Variants in SLC25A21 observed in about 807,000 individuals in gnomAD.
SLC25A21 encodes the protein solute carrier family 25 member 21, also known as mitochondrial 2-oxodicarboxylate carrier.
Under a neutral mutation model 43.8 loss-of-function variants are expected in SLC25A21, and 47 were observed. That is an observed-to-expected ratio of 1.07 (90% confidence interval 0.85 to 1.37). The LOEUF is 1.37. Ranked by LOEUF, SLC25A21 falls within the 40% of genes most tolerant of loss-of-function variation. The pLI, the probability that SLC25A21 is intolerant of heterozygous loss-of-function variation, is 0.00. For missense variants in SLC25A21, 352 were observed against 350.2 expected, an observed-to-expected ratio of 1.00 and a Z score of -0.04; for synonymous variants, 131 against 121.3, an observed-to-expected ratio of 1.08 and a Z score of -0.52.
At chr14:36,756,319 C>A (rs1055341189) in intron 3 of SLC25A21, among the ~76,000 whole-genome samples, 1 of 152,212 alleles carries the variant, frequency 6.6e-6, no homozygotes, top group Admixed American at 6.5e-5. Flanking sequence ...CATGTGTGGC[C>A]ACCAGGGGAT....
chr14:36,998,706 TAAA>T (rs559490184), intron 1 of SLC25A21, among the ~76,000 whole-genome samples: 1 of 142,408 alleles, frequency 7.0e-6, no homozygotes, highest in Non-Finnish European at 1.5e-5. Context: ...ACTCAACAAT[TAAA>T]AAAAAAAAAC....
At chr14:36,878,723 A>G (rs951726686) in intron 1 of SLC25A21, among the ~76,000 whole-genome samples, 1 of 152,048 alleles carries the variant, frequency 6.6e-6, no homozygotes, top group African/African-American at 2.4e-5. Flanking sequence ...TCTAACATAG[A>G]AAAGAAGATG....
At chr14:36,764,192 G>GAAAGAAAGAAAGAA (rs141041432) in intron 3 of SLC25A21, among the ~76,000 whole-genome samples, 1,048 of 55,206 alleles carry the variant, frequency 0.019, 113 homozygotes, top group East Asian at 0.05. Flanking sequence ...AAGAAAGAAA[G>GAAAGAAAGAAAGAA]AGAAAGAAAG....
chr14:37,094,107 T>C (rs1962640825), intron 1 of SLC25A21, among the ~76,000 whole-genome samples: 1 of 152,210 alleles, frequency 6.6e-6, no homozygotes, highest in Non-Finnish European at 1.5e-5. Flanking sequence ...CCTATTAAAA[T>C]GTCCCTAAGC....
rs926451228 is a variant in SLC25A21, at chr14:36,736,803, G to T, written c.204-2230C>A. Reference sequence around the variant, plus strand: ...GGTGAACATGATGGATCTTTTGAAAGGTGTGTGTTAAGGAAAGACATTACA... The same window carrying T: ...GGTGAACATGATGGATCTTTTGAAATGTGTGTGTTAAGGAAAGACATTACA... On this transcript the variant is annotated intron_variant, in intron 3 of 9. Transcript: ENST00000331299. Among the ~76,000 whole-genome samples the T allele has an allele frequency of 5.3e-5, 8 of 152,178 alleles. No individual in the cohort carries two copies. In the East Asian group the frequency reaches 1.5e-3, roughly 29 times the overall value.
intron 1 of SLC25A21, among the ~76,000 whole-genome samples, chr14:37,164,855 T>C (rs1381661811): frequency 6.6e-6 from 1 of 152,192 alleles, no homozygotes; most frequent in Non-Finnish European, 1.5e-5. Context: ...ATTCATTAAT[T>C]CCAGATTTCC....
rs574170268 is a variant in SLC25A21 at position 36,975,098 on chromosome 14, T to C, written c.71-100094A>G. 1.8e-4 allele frequency among the ~76,000 whole-genome samples: 27 copies of C among 152,284 alleles called. No individual in the cohort carries two copies. In the South Asian group the frequency reaches 2.9e-3, roughly 16 times the overall value. Reference sequence around the variant, plus strand: ...ATTCTCATTTCACAGATAAAGGAAATTGAAGCTTCCTGGAACCCTTGATTG... The same window carrying C: ...ATTCTCATTTCACAGATAAAGGAAACTGAAGCTTCCTGGAACCCTTGATTG... On this transcript the variant is annotated intron_variant, in intron 1 of 9. Transcript: ENST00000331299.
intron 1 of SLC25A21, among the ~76,000 whole-genome samples, chr14:36,990,972 C>G (rs1960251029): frequency 6.6e-6 from 1 of 152,058 alleles, no homozygotes; most frequent in Admixed American, 6.6e-5. Flanking sequence ...GGAGTTCTTA[C>G]TTTCATGTGC....
intron 2 of SLC25A21, among the ~76,000 whole-genome samples, chr14:36,855,578 C>A (rs1357836901): frequency 6.6e-6 from 1 of 152,082 alleles, no homozygotes; most frequent in Non-Finnish European, 1.5e-5. Flanking sequence ...TCATCATATC[C>A]CAAATGCAAA....
chr14:36,941,957 C>A (rs1892569959), intron 1 of SLC25A21, among the ~76,000 whole-genome samples: 1 of 151,942 alleles, frequency 6.6e-6, no homozygotes, highest in South Asian at 2.1e-4. Context: ...ACATGCACAT[C>A]ATCAGAGGAG....
intron 1 of SLC25A21, among the ~76,000 whole-genome samples, chr14:37,014,544 C>A (rs61192357): frequency 0.07 from 10,612 of 152,100 alleles, 994 homozygotes; most frequent in East Asian, 0.25. Flanking sequence ...GCTCTTGAAC[C>A]CCTCAAAGTC....
chr14:36,740,296 G>A (rs1014157495), intron 3 of SLC25A21, among the ~76,000 whole-genome samples: 1 of 152,254 alleles, frequency 6.6e-6, no homozygotes, highest in East Asian at 1.9e-4. Context: ...GTGATTGTCT[G>A]TGAAAGAACC....
intron 1 of SLC25A21, among the ~76,000 whole-genome samples, chr14:37,114,793 G>A (rs1485537467): frequency 6.6e-6 from 1 of 151,628 alleles, no homozygotes; most frequent in South Asian, 2.1e-4. Flanking sequence ...TATGGCGGGG[G>A]GGGAATTGGT....
At chr14:37,048,661 C>T (rs533095054) in intron 1 of SLC25A21, among the ~76,000 whole-genome samples, 7 of 152,052 alleles carry the variant, frequency 4.6e-5, no homozygotes, top group South Asian at 2.1e-4. Flanking sequence ...CAAAACTTTA[C>T]TCTGGTGTTA....
At chr14:37,060,255 C>T (rs564409100) in intron 1 of SLC25A21, among the ~76,000 whole-genome samples, 2 of 151,812 alleles carry the variant, frequency 1.3e-5, no homozygotes, top group African/African-American at 2.4e-5. Context: ...TCCGATCATG[C>T]TGACACTGTG....
At chr14:36,852,724 C>T (rs1434763507) in intron 2 of SLC25A21, among the ~76,000 whole-genome samples, 1 of 151,952 alleles carries the variant, frequency 6.6e-6, no homozygotes, top group East Asian at 1.9e-4. Context: ...TTGGAGTCTA[C>T]CATCACATGT....
chr14:36,931,532 A>G (rs1038553422), intron 1 of SLC25A21, among the ~76,000 whole-genome samples: 3 of 152,168 alleles, frequency 2.0e-5, no homozygotes, highest in African/African-American at 7.2e-5. Flanking sequence ...GAAGCCTGAA[A>G]AGAGAGGGCT....
chr14:37,037,774 T>C (rs1288928752), intron 1 of SLC25A21, among the ~76,000 whole-genome samples: 1 of 152,186 alleles, frequency 6.6e-6, no homozygotes, highest in African/African-American at 2.4e-5. Flanking sequence ...TCGCAGATCA[T>C]TGATGTCAAA....
In SLC25A21 at chr14:36,954,488, CAT is replaced by C. The variant is rs545077548; in HGVS notation, c.71-79486_71-79485del. On this transcript the variant is annotated intron_variant, in intron 1 of 9. Transcript: ENST00000331299. Reference sequence around the variant, plus strand: ...TCTTTATAAGGAAAACACATACATACATATATATATATAAGAAATAATATATA... The same window carrying C: ...TCTTTATAAGGAAAACACATACATACATATATATATAAGAAATAATATATA... 2.1e-3 allele frequency among the ~76,000 whole-genome samples: 299 copies of C among 140,024 alleles called. 1 individual carries two copies. Among genetic ancestry groups the C allele is most frequent in the African/African-American group, 6.9e-3 (276 of 39,766 alleles). 91.9% of individuals were successfully genotyped at this position (140,024 alleles called of 152,430 possible). A position where few individuals can be genotyped will look rare whatever the true frequency, so the allele number is the denominator to read the frequency against.
Sources: gnomAD v4.1 joint callset for allele counts (sites outside exome capture counted in the v4.1 genomes callset) on GRCh38, gnomAD v4.1.1 for gene constraint, MANE v1.5 for transcripts, NCBI Gene and HGNC (gene_info 2026-07-23, HGNC 2026-07-21) for gene names.